Variants in TIAM1 observed in about 807,000 individuals in gnomAD.
TIAM1 encodes TIAM Rac1 associated GEF 1.
Under a neutral mutation model 163.5 loss-of-function variants are expected in TIAM1, and 65 were observed. That is an observed-to-expected ratio of 0.40 (90% CI 0.33 to 0.49). The LOEUF (loss-of-function observed/expected upper bound fraction) is 0.49. TIAM1 is among the 20% of genes least tolerant of loss of function. The probability of loss-of-function intolerance (pLI) is 0.77; values close to 1 mark genes in which losing one functional copy is unlikely to be tolerated. For missense variants in TIAM1, 1,789 were observed against 2,044.7 expected, an observed-to-expected ratio of 0.87 and a Z score of 2.41; for synonymous variants, 833 against 810.1, an observed-to-expected ratio of 1.03 and a Z score of -0.48.
At chr21:31,383,201 T>C (rs1241970707) in intron 2 of TIAM1, among the ~76,000 whole-genome samples, 1 of 152,062 alleles carries the variant, frequency 6.6e-6, no homozygotes, top group Admixed American at 6.6e-5. Flanking sequence ...GATCGTGCCA[T>C]TGCAGTCTAC....
At chr21:31,472,108 T>C (rs954961969) in intron 1 of TIAM1, among the ~76,000 whole-genome samples, 5 of 152,160 alleles carry the variant, frequency 3.3e-5, no homozygotes, top group Non-Finnish European at 5.9e-5. Flanking sequence ...ATGAACTGAC[T>C]GGACGGCCGT....
At chr21:31,551,963 G>C (rs192585207) in intron 1 of TIAM1, among the ~76,000 whole-genome samples, 1 of 151,874 alleles carries the variant, frequency 6.6e-6, no homozygotes, top group South Asian at 2.1e-4. Context: ...ACAGGACCGG[G>C]GCAGAAGACT....
intron 2 of TIAM1, among the ~76,000 whole-genome samples, chr21:31,364,267 A>G (rs11910845): frequency 1.3e-5 from 2 of 152,248 alleles, no homozygotes; most frequent in Non-Finnish European, 2.9e-5. Context: ...AAAAATAAAA[A>G]GCATCCCAGG....
intron 6 of TIAM1, among the ~76,000 whole-genome samples, chr21:31,233,003 G>T (rs2088525862): frequency 6.6e-6 from 1 of 152,174 alleles, no homozygotes; most frequent in Admixed American, 6.5e-5. Context: ...CAGCCCCTTT[G>T]AGTGCAGAGA....
chr21:31,182,804 CA>C (rs1163315579), intron 14 of TIAM1, among the ~76,000 whole-genome samples, 159 bp from the exon 15 acceptor site: 2 of 152,218 alleles, frequency 1.3e-5, no homozygotes, highest in East Asian at 3.8e-4. Context: ...CAGGAGAGGA[CA>C]GGGGCCTCAG....
chr21:31,307,865 T>C (rs2074775430), intron 2 of TIAM1, among the ~76,000 whole-genome samples: 2 of 151,946 alleles, frequency 1.3e-5, no homozygotes, highest in Admixed American at 1.3e-4. Flanking sequence ...ATTTACAAGA[T>C]AAAAAATAGA....
intron 2 of TIAM1, among the ~76,000 whole-genome samples, chr21:31,419,573 T>C (rs1024103597): frequency 6.6e-6 from 1 of 152,200 alleles, no homozygotes; most frequent in Non-Finnish European, 1.5e-5. Context: ...TCAGCAATAA[T>C]ATGCATTAGA....
At chr21:31,465,818 C>T (rs1162688576) in intron 1 of TIAM1, among the ~76,000 whole-genome samples, 2 of 152,186 alleles carry the variant, frequency 1.3e-5, no homozygotes. Context: ...GATCCGCCCT[C>T]CTTGGCCTCC....
chr21:31,360,104 T>G (rs1017677550), intron 2 of TIAM1, among the ~76,000 whole-genome samples: 2 of 152,046 alleles, frequency 1.3e-5, no homozygotes, highest in African/African-American at 4.8e-5. Context: ...AGGAGACTGA[T>G]GAGCTATTGT....
At chr21:31,122,299 T>C (rs933341719) in intron 27 of TIAM1, among the ~76,000 whole-genome samples, 1 of 152,198 alleles carries the variant, frequency 6.6e-6, no homozygotes, top group African/African-American at 2.4e-5. Context: ...CTCTGACTTC[T>C]ATTGAGAAGA....
At chr21:31,174,006 G>C (rs1390909164) in intron 15 of TIAM1, among the ~76,000 whole-genome samples, 1 of 152,154 alleles carries the variant, frequency 6.6e-6, no homozygotes, top group Non-Finnish European at 1.5e-5. Flanking sequence ...TACGAGGCGC[G>C]CGTGTCTCCA....
intron 1 of TIAM1, among the ~76,000 whole-genome samples, chr21:31,480,212 G>C (rs1468265963): frequency 1.3e-5 from 2 of 152,180 alleles, no homozygotes; most frequent in Non-Finnish European, 2.9e-5. Flanking sequence ...TCATCATTGG[G>C]TAGCTTAAGC....
At chr21:31,361,592 C>T (rs768841799) in intron 2 of TIAM1, among the ~76,000 whole-genome samples, 3 of 152,044 alleles carry the variant, frequency 2.0e-5, no homozygotes, top group African/African-American at 4.8e-5. Flanking sequence ...ATCCTGTAGA[C>T]GAATATTTCC....
chr21:31,168,338 C>T (rs2084338952), intron 15 of TIAM1, among the ~76,000 whole-genome samples: 1 of 152,046 alleles, frequency 6.6e-6, no homozygotes, highest in South Asian at 2.1e-4. Flanking sequence ...GTGATCTGCC[C>T]ACCTCGGCCC....
intron 1 of TIAM1, among the ~76,000 whole-genome samples, chr21:31,484,753 G>C (rs926198622): frequency 2.0e-4 from 31 of 152,162 alleles, no homozygotes; most frequent in Admixed American, 1.4e-3. Context: ...GGCTCCCCCA[G>C]TACAGCCAGT....
intron 2 of TIAM1, among the ~76,000 whole-genome samples, chr21:31,361,237 C>T (rs1309049965): frequency 6.6e-6 from 1 of 152,122 alleles, no homozygotes; most frequent in Non-Finnish European, 1.5e-5. Flanking sequence ...GGAAATAAAG[C>T]CAGACCCAGA....
chr21:31,302,972 C>T (rs1399491343), intron 2 of TIAM1, among the ~76,000 whole-genome samples: 3 of 152,144 alleles, frequency 2.0e-5, no homozygotes, highest in Non-Finnish European at 2.9e-5. Flanking sequence ...TCCTAATCAG[C>T]TGCAACCATG....
chr21:31,401,078 GAATA>G (rs769594819), intron 2 of TIAM1, among the ~76,000 whole-genome samples: 154 of 151,952 alleles, frequency 1.0e-3, no homozygotes, highest in Admixed American at 7.1e-3. Context: ...ATAAATAAAT[GAATA>G]AATAAATAAA....
At chr21:31,372,610 G>C (rs542780691) in intron 2 of TIAM1, among the ~76,000 whole-genome samples, 2 of 152,326 alleles carry the variant, frequency 1.3e-5, no homozygotes, top group South Asian at 2.1e-4. Flanking sequence ...GGCAGGCGAG[G>C]GTAGGGGTGG....
Sources: gnomAD v4.1 joint callset for allele counts (sites outside exome capture counted in the v4.1 genomes callset) on GRCh38, gnomAD v4.1.1 for gene constraint, MANE v1.5 for transcripts, NCBI Gene and HGNC (gene_info 2026-07-23, HGNC 2026-07-21) for gene names.